Variants in TPTE2 observed in about 807,000 individuals in gnomAD.
The protein encoded by TPTE2 is transmembrane phosphoinositide 3-phosphatase and tensin homolog 2.
A neutral mutation model predicts 78.6 loss-of-function variants in TPTE2; 53 were observed. The observed-to-expected ratio is 0.67, with a 90% CI of 0.54 to 0.85. The LOEUF (loss-of-function observed/expected upper bound fraction) is 0.85, where lower values mean the gene tolerates loss of function less well. Among genes scored for constraint, TPTE2 ranks in the 40% least tolerant of loss-of-function variants. TPTE2 has a pLI of 0.00. For missense variants in TPTE2, 461 were observed against 623.0 expected, an observed-to-expected ratio of 0.74 and a Z score of 2.77; for synonymous variants, 175 against 206.2, an observed-to-expected ratio of 0.85 and a Z score of 1.30.
intron 1 of TPTE2, among the ~76,000 whole-genome samples, chr13:19,502,667 A>C (rs369013621): frequency 8.1e-6 from 1 of 122,848 alleles, no homozygotes; most frequent in Non-Finnish European, 1.7e-5. Context: ...GGGAGGGGGG[A>C]GGGATAGCAC....
the TPTE2 span, among the ~76,000 whole-genome samples, chr13:19,547,720 C>CATATATAT: frequency 5.7e-4 from 68 of 118,862 alleles, 1 homozygote; most frequent in South Asian, 4.8e-3. Flanking sequence ...AATAAATATA[C>CATATATAT]ATATATATAT....
At chr13:19,463,959 G>A (rs1483470570) in intron 10 of TPTE2, among the ~76,000 whole-genome samples, 1 of 152,194 alleles carries the variant, frequency 6.6e-6, no homozygotes, top group Non-Finnish European at 1.5e-5. Flanking sequence ...CAGTGCCTTA[G>A]AAGTGCATGC....
intron 1 of TPTE2, among the ~76,000 whole-genome samples, chr13:19,514,734 G>A (rs1290886047): frequency 6.6e-6 from 1 of 151,976 alleles, no homozygotes; most frequent in Non-Finnish European, 1.5e-5. Flanking sequence ...CCCTTGGTAG[G>A]AAATAAACAA....
chr13:19,486,932 C>T lies in TPTE2; in HGVS notation c.120-4385G>A, dbSNP rs988045865. 2.0e-5 allele frequency among the ~76,000 whole-genome samples: 3 copies of T among 152,080 alleles called. No homozygotes were observed. The highest frequency in any genetic ancestry group is 4.1e-4 in the South Asian group (2 of 4,830). ...GCTTCTATAAGCCAGGATGTGGACA[C>T]GAGGCTGCTCGGCTGGCCTAGGGGC... On this transcript the variant is annotated intron_variant, in intron 3 of 19. Transcript: ENST00000400230. This position sits in a 1 kb window ranked among gnomAD's most constrained non-coding sequence, Gnocchi z 4.3.
chr13:19,441,016 G>C lies in TPTE2; in HGVS notation c.974-2863C>G, dbSNP rs541663366. Among the ~76,000 whole-genome samples the C allele has an allele frequency of 7.2e-5, 11 of 152,068 alleles. No individual in the cohort carries two copies. The East Asian group carries it at 2.1e-3, about 29-fold the overall frequency. ...CCAGGAGAATCACTTGAACCTGGGG[G>C]GTGGAGGTTGCAGTGAGCCAAGACT... On this transcript the variant is annotated intron_variant, in intron 13 of 19. Coordinates refer to ENST00000400230, the Ensembl canonical transcript of TPTE2.
At chr13:19,479,056 G>T (rs1880154276) in intron 4 of TPTE2, among the ~76,000 whole-genome samples, 1 of 152,134 alleles carries the variant, frequency 6.6e-6, no homozygotes, top group Non-Finnish European at 1.5e-5. Context: ...TACACCTAAT[G>T]TAAATGACGA....
the TPTE2 span, among the ~76,000 whole-genome samples, chr13:19,553,183 G>T: frequency 1.3e-5 from 2 of 152,088 alleles, no homozygotes; most frequent in Admixed American, 1.3e-4. Flanking sequence ...TGCTTTTTAT[G>T]CATTAGTGCA....
intron 10 of TPTE2, 92 bp from the exon 14 acceptor site, chr13:19,451,317 A>T: frequency 6.6e-7 from 1 of 1,514,034 alleles, no homozygotes. Flanking sequence ...TACTTTTATT[A>T]ATTTGTCTCT....
chr13:19,483,627 G>T (rs1880487581), intron 3 of TPTE2, among the ~76,000 whole-genome samples: 1 of 151,914 alleles, frequency 6.6e-6, no homozygotes, highest in Non-Finnish European at 1.5e-5. Context: ...CCTCAAATCT[G>T]TTTATTTCTG....
rs183566332 is a variant in TPTE2 at position 19,518,027 on chromosome 13, T to A, written c.-43-14750A>T. Among the ~76,000 whole-genome samples the A allele has an allele frequency of 1.8e-4, 27 of 152,312 alleles. No individual in the cohort carries two copies. In the South Asian group the frequency reaches 3.7e-3, roughly 21 times the overall value. On this transcript the variant is annotated intron_variant, in intron 1 of 17. Coordinates refer to the TPTE2 transcript ENST00000390680. ...AGCTTCCTTTGTGGGTTAGAGAGAA[T>A]AACCAGAGGGCTCAGTTATCCTCTC...
At chr13:19,499,420 G>T (rs1216127035) in intron 1 of TPTE2, among the ~76,000 whole-genome samples, 1 of 149,608 alleles carries the variant, frequency 6.7e-6, no homozygotes, top group Non-Finnish European at 1.5e-5. Flanking sequence ...CTCAGCAAAT[G>T]TAAAAGAACA....
rs1036902156 is a variant in TPTE2, at chr13:19,426,573, T to G, written c.1303-56A>C. The stretch of plus-strand genomic sequence containing the variant: ...CAAACCTAGATAACGATAACAAAAG[T>G]TCCTTTTCACTTATCATGACTTCCT... On this transcript the variant is annotated intron_variant, in intron 17 of 19. Coordinates refer to ENST00000400230, the Ensembl canonical transcript of TPTE2. 3.9e-5 allele frequency: 42 copies of G among 1,073,598 alleles called. 1 individual carries two copies. Among genetic ancestry groups the G allele is most frequent in the Admixed American group, 5.3e-5 (3 of 56,102 alleles). 66.5% of individuals were successfully genotyped at this position (1,073,598 alleles called of 1,614,324 possible).
At position 19,465,694 on chromosome 13, in the gene TPTE2, T is replaced by C. The variant is rs1008172080; in HGVS notation, c.513-130A>G. The C allele has an allele frequency of 6.8e-6, 5 of 736,696 alleles. No homozygotes were observed. In the African/African-American group the frequency reaches 8.9e-5, roughly 13 times the overall value. 45.6% of individuals were successfully genotyped at this position (736,696 alleles called of 1,614,324 possible). On this transcript the variant is annotated intron_variant, in intron 7 of 19. Coordinates refer to ENST00000400230, the Ensembl canonical transcript of TPTE2. ...TCTCCCCAATTACCTACCTGGGGGA[T>C]ATTTGGCAATGTCTGGAGGCATTTA...
intron 10 of TPTE2, among the ~76,000 whole-genome samples, chr13:19,462,263 G>A (rs989854190): frequency 1.1e-4 from 16 of 152,056 alleles, no homozygotes; most frequent in Non-Finnish European, 1.6e-4. Flanking sequence ...CCACCTTAAA[G>A]CAGTCCTTGA....
intron 9 of TPTE2, 43 bp downstream of exon 12, chr13:19,465,212 A>G (rs1416090695): frequency 6.2e-7 from 1 of 1,610,880 alleles, no homozygotes; most frequent in African/African-American, 1.3e-5. Flanking sequence ...TTACAAGAAA[A>G]AGTGAAGTAA....
intron 6 of TPTE2, among the ~76,000 whole-genome samples, chr13:19,473,648 T>G (rs1230565937): frequency 1.4e-5 from 2 of 142,448 alleles, no homozygotes; most frequent in African/African-American, 5.2e-5. Context: ...CAGGCTAGAG[T>G]GCAATGGCGT....
chr13:19,451,909 A>G (rs1278387256), intron 10 of TPTE2, among the ~76,000 whole-genome samples: 1 of 151,860 alleles, frequency 6.6e-6, no homozygotes, highest in Non-Finnish European at 1.5e-5. Context: ...AATCAATACC[A>G]CTATATGAAT....
At chr13:19,475,139 CT>C (rs1352042316) in intron 5 of TPTE2, among the ~76,000 whole-genome samples, 1 of 151,824 alleles carries the variant, frequency 6.6e-6, no homozygotes, top group Non-Finnish European at 1.5e-5. Context: ...TGGAAATGCT[CT>C]TTTGTTATTT....
chr13:19,494,268 A>C (rs976490398), intron 1 of TPTE2, among the ~76,000 whole-genome samples: 1 of 152,218 alleles, frequency 6.6e-6, no homozygotes, highest in Non-Finnish European at 1.5e-5. Flanking sequence ...GAAGTTATTT[A>C]TACACGATAC....
Sources: allele counts gnomAD v4.1 joint callset (sites outside exome capture counted in the v4.1 genomes callset), GRCh38; gene constraint gnomAD v4.1.1; non-coding constraint Gnocchi (gnomAD v3.1); transcripts MANE v1.5; gene names NCBI Gene and HGNC (gene_info 2026-07-23, HGNC 2026-07-21).